Variants in NBAS observed in about 807,000 individuals in gnomAD.
NBAS encodes NBAS subunit of NRZ tethering complex, also known as NAG/BC035112 fusion.
A neutral mutation model predicts 302.5 loss-of-function variants in NBAS; 219 were observed. The ratio of observed to expected loss-of-function variants is 0.72; its 90% CI spans 0.65 to 0.81. NBAS has a LOEUF of 0.81. Ranked by LOEUF, NBAS falls within the 30% of genes least tolerant of loss-of-function variation. The probability of loss-of-function intolerance (pLI) is 0.00; values close to 1 mark genes in which losing one functional copy is unlikely to be tolerated. For missense variants in NBAS, 2,932 were observed against 2,841.6 expected (o/e 1.03, Z -0.72); for synonymous variants, 1,118 against 1,021.6 (o/e 1.09, Z -1.80).
At chr2:14,842,896 T>A in the NBAS span, among the ~76,000 whole-genome samples, 2 of 140,532 alleles carry the variant, frequency 1.4e-5, no homozygotes, top group East Asian at 2.1e-4. Context: ...TGAATATAGA[T>A]GCAAAAATTC....
At chr2:15,381,070 G>A (rs966269998) in intron 29 of NBAS, among the ~76,000 whole-genome samples, 2 of 152,080 alleles carry the variant, frequency 1.3e-5, no homozygotes, top group African/African-American at 4.8e-5. Flanking sequence ...CTTACAATAC[G>A]TCTAATCCAA....
chr2:15,539,195 A>G (rs1157667385), intron 7 of NBAS, 28 bp downstream of exon 7: 1 of 1,613,740 alleles, frequency 6.2e-7, no homozygotes, highest in East Asian at 2.2e-5. Flanking sequence ...TGAAAAAACT[A>G]TGTTTTCAAT....
At chr2:15,228,670 AT>A (rs2147915931) in intron 47 of NBAS, among the ~76,000 whole-genome samples, 1 of 152,354 alleles carries the variant, frequency 6.6e-6, no homozygotes, top group East Asian at 1.9e-4. Context: ...AAATCCTGTC[AT>A]TTGCAGTAAC....
intron 40 of NBAS, among the ~76,000 whole-genome samples, chr2:15,297,882 G>C (rs1229127574): frequency 6.6e-6 from 1 of 152,094 alleles, no homozygotes; most frequent in South Asian, 2.1e-4. Flanking sequence ...GTGTCTGTGT[G>C]TGTGTGTAAA....
At chr2:15,107,349 T>C in the NBAS span, among the ~76,000 whole-genome samples, 1 of 152,070 alleles carries the variant, frequency 6.6e-6, no homozygotes, top group Non-Finnish European at 1.5e-5. Context: ...GGCTCCTGGA[T>C]CATGGGCTTC....
chr2:14,791,609 C>A, the NBAS span, among the ~76,000 whole-genome samples: 1 of 151,952 alleles, frequency 6.6e-6, no homozygotes, highest in Non-Finnish European at 1.5e-5. Flanking sequence ...TGAGACCAGT[C>A]TGGCAAATAT....
the NBAS span, among the ~76,000 whole-genome samples, chr2:15,057,615 T>C: frequency 6.6e-6 from 1 of 152,166 alleles, no homozygotes; most frequent in African/African-American, 2.4e-5. Flanking sequence ...AGTCCATTGA[T>C]CATTCTTATG....
At chr2:14,993,769 A>G in the NBAS span, among the ~76,000 whole-genome samples, 1 of 152,242 alleles carries the variant, frequency 6.6e-6, no homozygotes, top group African/African-American at 2.4e-5. Flanking sequence ...TTGATATTAT[A>G]TAATGTATTC....
At chr2:14,971,954 C>T in the NBAS span, among the ~76,000 whole-genome samples, 2 of 152,066 alleles carry the variant, frequency 1.3e-5, no homozygotes, top group African/African-American at 4.8e-5. Context: ...GTCACCAGTA[C>T]ATAAAATGAT....
Position 15,232,423 on chromosome 2 carries a change from C to T in NBAS, c.6235G>A (p.Gly2079Ser). ...ATGCACATACTGTTCTAGTCTTACC[C>T]CTTGTCCACACTGGCGTGGACTGCT... ...VAAVHASVDKGEELVSPEDLL... is the reference protein window; with the variant it reads ...VAAVHASVDKSEELVSPEDLL... The change falls in exon 47 of 52, where the codon GGT becomes AGT. Residue 2079 changes from glycine to serine, a missense_variant and splice_region_variant. Gly to Ser is a moderately conservative substitution (Grantham distance 56). Coordinates refer to ENST00000281513, the MANE Select transcript of NBAS (RefSeq NM_015909.4). The T allele has an allele frequency of 6.2e-7, 1 of 1,613,832 alleles. No homozygotes were observed. Among genetic ancestry groups the T allele is most frequent in the Non-Finnish European group, 8.5e-7 (1 of 1,179,810 alleles).
chr2:14,816,643 C>T, the NBAS span, among the ~76,000 whole-genome samples: 1 of 152,154 alleles, frequency 6.6e-6, no homozygotes, highest in Non-Finnish European at 1.5e-5. Flanking sequence ...GGCTATCCGA[C>T]TACTATTCAT....
the NBAS span, among the ~76,000 whole-genome samples, chr2:15,084,687 CG>C: frequency 8.4e-5 from 12 of 143,606 alleles, no homozygotes; most frequent in Admixed American, 6.7e-4. Context: ...ATCGGCGGGG[CG>C]GGGGGGGTTC....
the NBAS span, among the ~76,000 whole-genome samples, chr2:15,034,024 GAA>G: frequency 0.051 from 1,725 of 33,860 alleles, 108 homozygotes; most frequent in African/African-American, 0.23. Flanking sequence ...AGAAGAAGAA[GAA>G]GAGGAGGAGG....
Position 15,353,714 on chromosome 2 carries a change from C to T in NBAS, c.3932-4G>A, listed in dbSNP as rs774015395. ...ACATCCCAACTTTTAGGATAACCTGCAAAATTGGCAAGGAAAAAAATGATT... is the reference window on the plus strand; with the variant it reads ...ACATCCCAACTTTTAGGATAACCTGTAAAATTGGCAAGGAAAAAAATGATT... On this transcript the variant is annotated splice_region_variant and splice_polypyrimidine_tract_variant and intron_variant, in intron 33 of 51. Transcript: ENST00000281513. 2.5e-6 allele frequency: 4 copies of T among 1,613,828 alleles called. No individual in the cohort carries two copies. The highest frequency in any genetic ancestry group is 1.3e-5 in the African/African-American group (1 of 74,952).
intron 3 of NBAS, 42 bp from the exon 4 acceptor site, chr2:15,554,180 A>G (rs753288013): frequency 6.8e-7 from 1 of 1,476,156 alleles, no homozygotes; most frequent in Non-Finnish European, 9.4e-7. Flanking sequence ...TCTAATCATG[A>G]AAACCACATA....
At chr2:14,976,348 C>T in the NBAS span, among the ~76,000 whole-genome samples, 2 of 152,040 alleles carry the variant, frequency 1.3e-5, no homozygotes, top group African/African-American at 4.8e-5. Flanking sequence ...GGAAAGAGCT[C>T]CACAAATCTG....
chr2:15,378,955 T>A (rs1309640007), intron 30 of NBAS, among the ~76,000 whole-genome samples: 1 of 152,166 alleles, frequency 6.6e-6, no homozygotes, highest in African/African-American at 2.4e-5. Flanking sequence ...TTATAAAAAA[T>A]TAACTTTAAA....
At chr2:15,397,339 A>C in intron 26 of NBAS, 1 of 231,486 alleles carries the variant, frequency 4.3e-6, no homozygotes, top group East Asian at 1.4e-4. Context: ...GCAAGATCTT[A>C]TGGTTTTATT....
At chr2:15,239,129 T>A (rs1260263692) in intron 44 of NBAS, among the ~76,000 whole-genome samples, 1 of 152,140 alleles carries the variant, frequency 6.6e-6, no homozygotes, top group African/African-American at 2.4e-5. Context: ...ATAACTAGCT[T>A]ATTTTAAATT....
Sources: gnomAD v4.1 joint callset for allele counts (sites outside exome capture counted in the v4.1 genomes callset) on GRCh38, gnomAD v4.1.1 for gene constraint, MANE v1.5 for transcripts, NCBI Gene and HGNC (gene_info 2026-07-23, HGNC 2026-07-21) for gene names.